The following TMEM59 variants were observed in gnomAD, a reference collection of about 807,000 sequenced individuals.
TMEM59 encodes transmembrane protein 59.
TMEM59 carries 44 observed loss-of-function variants against 42.2 expected under a neutral mutation model. The ratio of observed to expected loss-of-function variants is 1.04; its 90% CI spans 0.82 to 1.34. The LOEUF (loss-of-function observed/expected upper bound fraction) is 1.34. Ranked by LOEUF, TMEM59 falls within the 40% of genes most tolerant of loss-of-function variation. The pLI is 0.00. For missense variants in TMEM59, 359 were observed against 382.8 expected (o/e 0.94, Z 0.52); for synonymous variants, 148 against 145.8 (o/e 1.02, Z -0.11).
chr1:54,053,318 C>T, upstream of TMEM59: 1 of 1,103,766 alleles, frequency 9.1e-7, no homozygotes, highest in Non-Finnish European at 1.3e-6. Flanking sequence ...ACTTCAGCTC[C>T]GCCCTCACCC....
At position 54,052,981 on chromosome 1, in the gene TMEM59, C is replaced by A. The variant is rs760753289; in HGVS notation, c.189+19G>T. ...GGGCTGCAAGGGAAGGGTCGCAGCC[C>A]GCTCCGGACGGGCCCTACCTTAGGG... On this transcript the variant is annotated intron_variant, in intron 1 of 7. Coordinates refer to ENST00000234831, the MANE Select transcript of TMEM59 (RefSeq NM_004872.5). The A allele has an allele frequency of 3.1e-5, 50 of 1,597,768 alleles. No homozygotes were observed. The highest frequency in any genetic ancestry group is 4.0e-5 in the Non-Finnish European group (47 of 1,168,738).
In TMEM59 at chr1:54,053,049, G is replaced by C. The variant is rs773437663; in HGVS notation, c.140C>G (p.Ser47Cys). 2 of 1,614,064 alleles carry C rather than the reference G, an allele frequency of 1.2e-6. No individual in the cohort carries two copies. The highest frequency in any genetic ancestry group is 8.5e-7 in the Non-Finnish European group (1 of 1,180,030). ...AFDSVLGDTA[S>C]CHRACQLTYP... is the part of the protein sequence containing the mutation. ...GGTCAACTGACAGGCCCGGTGGCAAGACGCCGTATCACCCAAGACCGAGTC... is the reference window on the plus strand; with the variant it reads ...GGTCAACTGACAGGCCCGGTGGCAACACGCCGTATCACCCAAGACCGAGTC... The change falls in exon 1 of 8, where the codon TCT (serine) becomes TGT (cysteine). Residue 47 changes from serine to cysteine, a missense_variant. Ser to Cys is a moderately radical substitution (Grantham distance 112). Transcript: ENST00000234831.
rs1443282477 is a variant in TMEM59, at chr1:54,028,674, A to G, written c.*3476T>C. On this transcript the variant is annotated 3_prime_UTR_variant, in exon 8 of 8. Transcript: ENST00000234831. ...TGGCGTTCCCTTTTTCTCCAGGTTT[A>G]AGCTTGGCTATCACTTTCTCCCAGA... 2 of 152,450 alleles carry G rather than the reference A, an allele frequency of 1.3e-5. No homozygotes were observed. Among genetic ancestry groups the G allele is most frequent in the African/African-American group, 2.4e-5 (1 of 41,418 alleles). 9.4% of individuals were successfully genotyped at this position (152,450 alleles called of 1,614,324 possible).
intron 6 of TMEM59, among the ~76,000 whole-genome samples, chr1:54,039,956 A>T (rs1020026904): frequency 2.0e-5 from 3 of 152,076 alleles, no homozygotes; most frequent in African/African-American, 7.2e-5. Flanking sequence ...AGGAGGGCAT[A>T]TGGTACCCCT....
Position 54,031,377 on chromosome 1 carries a change from G to A in TMEM59, c.*773C>T, listed in dbSNP as rs575231389. Reference sequence around the variant, plus strand: ...TTATACTTAATTCTGTATCACAAGAGTCTAATTTTTAGTGTTAAAATGAAG... The same window carrying A: ...TTATACTTAATTCTGTATCACAAGAATCTAATTTTTAGTGTTAAAATGAAG... On this transcript the variant is annotated 3_prime_UTR_variant, in exon 8 of 8. Transcript: ENST00000234831. The A allele has an allele frequency of 6.6e-6, 1 of 152,294 alleles. No homozygotes were observed. Among genetic ancestry groups the A allele is most frequent in the South Asian group, 2.1e-4 (1 of 4,828 alleles). 9.4% of individuals were successfully genotyped at this position (152,294 alleles called of 1,614,324 possible).
In TMEM59 at chr1:54,028,482, G is replaced by A. The variant is rs1218913262; in HGVS notation, c.*3668C>T. 2 of 152,108 alleles carry A rather than the reference G, an allele frequency of 1.3e-5. No individual in the cohort carries two copies. Among genetic ancestry groups the A allele is most frequent in the Non-Finnish European group, 2.9e-5 (2 of 68,100 alleles). The allele number at this position is 152,108 out of a possible 1,614,324, so 9.4% of individuals were successfully genotyped here. A position where few individuals can be genotyped will look rare whatever the true frequency, so the allele number is the denominator to read the frequency against. On this transcript the variant is annotated 3_prime_UTR_variant, in exon 8 of 8. Coordinates refer to ENST00000234831, the MANE Select transcript of TMEM59 (RefSeq NM_004872.5). ...CTACTGTGCTCAGGATCAAGTGCAG[G>A]TTTAAAGTGCAGGTTTATTACCTGG... is the stretch of plus-strand genomic sequence containing the variant.
At chr1:54,047,042 C>T (rs1657362641) in intron 2 of TMEM59, among the ~76,000 whole-genome samples, 1 of 152,148 alleles carries the variant, frequency 6.6e-6, no homozygotes, top group African/African-American at 2.4e-5. Context: ...CAAAGGTGTC[C>T]TATTCATAGC....
chr1:54,040,901 A>G, intron 5 of TMEM59, 64 bp from the exon 6 acceptor site: 1 of 1,250,768 alleles, frequency 8.0e-7, no homozygotes, highest in Non-Finnish European at 1.2e-6. Flanking sequence ...TCACATGACT[A>G]CTTCTAGATA....
chr1:54,040,413 A>G (rs1657100283), intron 6 of TMEM59, among the ~76,000 whole-genome samples: 1 of 152,154 alleles, frequency 6.6e-6, no homozygotes, highest in Non-Finnish European at 1.5e-5. Flanking sequence ...TTGGCCTCCT[A>G]AAGTGCTGGG....
At chr1:54,046,576 T>A (rs1051882688) in intron 2 of TMEM59, among the ~76,000 whole-genome samples, 3 of 152,208 alleles carry the variant, frequency 2.0e-5, no homozygotes, top group African/African-American at 7.2e-5. Context: ...TATATAAAGA[T>A]GATCAGTTAG....
At chr1:54,052,620 C>T (rs977185281) in intron 1 of TMEM59, among the ~76,000 whole-genome samples, 1 of 152,144 alleles carries the variant, frequency 6.6e-6, no homozygotes, top group Admixed American at 6.5e-5. Flanking sequence ...TGTGGACTCG[C>T]GTATCTGCGC....
At chr1:54,035,002 A>G (rs533671189) in intron 7 of TMEM59, 1 of 152,338 alleles carries the variant, frequency 6.6e-6, no homozygotes, top group African/African-American at 2.4e-5. Flanking sequence ...GAAGGGAGGT[A>G]GGAGACTGAG....
chr1:54,042,564 T>C (rs1211908152), intron 4 of TMEM59, among the ~76,000 whole-genome samples: 1 of 152,178 alleles, frequency 6.6e-6, no homozygotes, highest in Non-Finnish European at 1.5e-5. Flanking sequence ...ATACCAGCCA[T>C]ACATTAAGCC....
chr1:54,032,743 G>C (rs1183650209), intron 7 of TMEM59, among the ~76,000 whole-genome samples: 1 of 152,202 alleles, frequency 6.6e-6, no homozygotes, highest in African/African-American at 2.4e-5. Context: ...ACTGATAGAA[G>C]GGTCTTCATA....
At chr1:54,050,170 G>A (rs1411965908) in intron 1 of TMEM59, among the ~76,000 whole-genome samples, 20 of 150,954 alleles carry the variant, frequency 1.3e-4, no homozygotes, top group Non-Finnish European at 2.7e-4. Context: ...CTGTCCCCCA[G>A]GCTGGAGTGC....
At position 54,047,302 on chromosome 1, in the gene TMEM59, A is replaced by T; in HGVS notation, c.260T>A (p.Ile87Asn). The change falls in exon 2 of 8, where the codon ATT becomes AAT. Residue 87 changes from isoleucine (I) to asparagine (N), a missense_variant. Physicochemically the swap from Ile to Asn is moderately radical, Grantham distance 149 (BLOSUM62 -3). Coordinates refer to ENST00000234831, the MANE Select transcript of TMEM59 (RefSeq NM_004872.5). Reference sequence around the variant, plus strand: ...TTCCAATTTAGTTCGATTTAAGTCAATTCCATCATCCACAAACTGACAAAT... The same window carrying T: ...TTCCAATTTAGTTCGATTTAAGTCATTTCCATCATCCACAAACTGACAAAT... ...FSICQFVDDG[I>N]DLNRTKLECE... 6.2e-7 allele frequency: 1 copy of T among 1,613,988 alleles called. No homozygotes were observed. Among genetic ancestry groups the T allele is most frequent in the Non-Finnish European group, 8.5e-7 (1 of 1,179,948 alleles).
At chr1:54,046,949 A>T (rs1052900481) in intron 2 of TMEM59, among the ~76,000 whole-genome samples, 34 of 152,202 alleles carry the variant, frequency 2.2e-4, no homozygotes, top group African/African-American at 8.2e-4. Flanking sequence ...GGTTTAGGAA[A>T]ATTATACTAT....
Position 54,032,391 on chromosome 1 carries a change from A to C in TMEM59, c.817-86T>G. The C allele has an allele frequency of 2.4e-6, 3 of 1,247,204 alleles. No homozygotes were observed. The South Asian group carries it at 7.2e-5, about 30-fold the overall frequency. The allele number at this position is 1,247,204 out of a possible 1,614,324, so 77.3% of individuals were successfully genotyped here. A position where few individuals can be genotyped will look rare whatever the true frequency, so the allele number is the denominator to read the frequency against. ...TCTTTAAATAACAATTTAATTTATA[A>C]ATAGTTGGTAAAAAAAATTCTATAA... is the stretch of plus-strand genomic sequence containing the variant. On this transcript the variant is annotated intron_variant, in intron 7 of 7. Coordinates refer to ENST00000234831, the MANE Select transcript of TMEM59 (RefSeq NM_004872.5).
rs1656780374 is a variant in TMEM59, at chr1:54,032,057, C to A, written c.*93G>T. 4 of 1,170,726 alleles carry A rather than the reference C, an allele frequency of 3.4e-6. No homozygotes were observed. The highest frequency in any genetic ancestry group is 4.6e-6 in the Non-Finnish European group (4 of 875,566). 72.5% of individuals were successfully genotyped at this position (1,170,726 alleles called of 1,614,324 possible). Reference sequence around the variant, plus strand: ...CTTTATTTGCATTTTATAGTGATTTCTTAAGGCCTATATCCAATGAAACCA... The same window carrying A: ...CTTTATTTGCATTTTATAGTGATTTATTAAGGCCTATATCCAATGAAACCA... On this transcript the variant is annotated 3_prime_UTR_variant, in exon 8 of 8. Transcript: ENST00000234831.
Sources: allele counts gnomAD v4.1 joint callset (sites outside exome capture counted in the v4.1 genomes callset), GRCh38; gene constraint gnomAD v4.1.1; transcripts MANE v1.5; gene names NCBI Gene and HGNC (gene_info 2026-07-23, HGNC 2026-07-21).